Variants in ASXL1 observed in about 807,000 individuals in gnomAD.
The protein encoded by ASXL1 is ASXL transcriptional regulator 1.
ASXL1 carries 65 observed loss-of-function variants against 89.1 expected under a neutral mutation model. That is an observed-to-expected ratio of 0.73 (90% CI 0.60 to 0.90). The LOEUF is 0.90. Among genes scored for constraint, ASXL1 ranks in the 40% least tolerant of loss-of-function variants. ASXL1 has a pLI of 0.00. For synonymous variants in ASXL1, 739 were observed against 746.9 expected, an observed-to-expected ratio of 0.99 and a Z score of 0.17; for missense variants, 1,786 against 1,942.9, an observed-to-expected ratio of 0.92 and a Z score of 1.52.
In ASXL1 at chr20:32,436,738, A is replaced by G. The variant is rs1278675351; in HGVS notation, c.4026A>G (p.Thr1342=). ...CCAGTGGGAAGTTGGGACCAAGCAC[A>G]AACTCCATGTCTGGTGGGGTACAGA... ...VFPSGKLGPS[T]NSMSGGVQTP... is the part of the protein sequence containing the mutation. Residue 1342 remains threonine, a synonymous_variant, in exon 13 of 13, where the codon ACA becomes ACG. Coordinates refer to ENST00000375687, the MANE Select transcript of ASXL1 (RefSeq NM_015338.6). 6.2e-7 allele frequency: 1 copy of G among 1,614,102 alleles called. No individual in the cohort carries two copies. The highest frequency in any genetic ancestry group is 2.2e-5 in the East Asian group (1 of 44,888).
In ASXL1 at chr20:32,436,763, A is replaced by G. The variant is rs957498028; in HGVS notation, c.4051A>G (p.Thr1351Ala). 8.7e-6 allele frequency: 14 copies of G among 1,613,888 alleles called. No homozygotes were observed. The East Asian group carries it at 1.3e-4, about 15-fold the overall frequency. Residue 1351 changes from threonine (T) to alanine (A), a missense_variant, in exon 13 of 13, where the codon ACT becomes GCT. Physicochemically the swap from Thr to Ala is moderately conservative, Grantham distance 58. This residue lies in a region of ASXL1 where 1,418 missense variants were observed against 1,427.8 expected (regional missense o/e 0.99). Coordinates refer to ENST00000375687, the MANE Select transcript of ASXL1 (RefSeq NM_015338.6). ...STNSMSGGVQTPREDWAPKPH... is the reference protein window; with the variant it reads ...STNSMSGGVQAPREDWAPKPH... ...AAACTCCATGTCTGGTGGGGTACAG[A>G]CTCCAAGGGAAGACTGGGCTCCAAA... is the stretch of plus-strand genomic sequence containing the variant.
At position 32,361,031 on chromosome 20, in the gene ASXL1, G is replaced by A. The variant is rs1390483276; in HGVS notation, c.57+2199G>A. 3.9e-5 allele frequency among the ~76,000 whole-genome samples: 6 copies of A among 152,182 alleles called. No homozygotes were observed. In the East Asian group the frequency reaches 1.2e-3, roughly 30 times the overall value. The stretch of plus-strand genomic sequence containing the variant: ...CAAAGTGCTGGGATTACAGGCGTGA[G>A]CCACCGCGCCCAGCCTATGAGTAGG... On this transcript the variant is annotated intron_variant, in intron 1 of 12. Coordinates refer to ENST00000375687, the MANE Select transcript of ASXL1 (RefSeq NM_015338.6).
At position 32,429,294 on chromosome 20, in the gene ASXL1, C is replaced by T. The variant is rs1166823647; in HGVS notation, c.472-44C>T. On this transcript the variant is annotated intron_variant, in intron 6 of 12. Coordinates refer to ENST00000375687, the MANE Select transcript of ASXL1 (RefSeq NM_015338.6). The surrounding 1 kb of genome is among the most constrained non-coding windows in gnomAD (Gnocchi z 4.9). ...GTCGCCAGGGAATGCTTTTGTGGCT[C>T]TGCAGTTGACTTGGGCTCTCTTTTG... The T allele has an allele frequency of 6.3e-7, 1 of 1,585,980 alleles. No individual in the cohort carries two copies. The highest frequency in any genetic ancestry group is 1.3e-5 in the African/African-American group (1 of 74,280).
chr20:32,431,518 T>C (rs2011512378), intron 9 of ASXL1, 34 bp downstream of exon 9: 1 of 1,614,130 alleles, frequency 6.2e-7, no homozygotes. Flanking sequence ...TGCCTCTCTC[T>C]GGGTGGGCTT....
At chr20:32,383,769 C>T (rs1819409225) in intron 4 of ASXL1, among the ~76,000 whole-genome samples, 1 of 152,164 alleles carries the variant, frequency 6.6e-6, no homozygotes, top group Admixed American at 6.5e-5. Flanking sequence ...TGTTTAAAAA[C>T]TGTGGGTGTA....
At chr20:32,379,661 AC>A in intron 4 of ASXL1, among the ~76,000 whole-genome samples, 1 of 151,208 alleles carries the variant, frequency 6.6e-6, no homozygotes, top group Middle Eastern at 3.4e-3. Flanking sequence ...CCCCGTCTGT[AC>A]TAAAAATATG....
At chr20:32,432,744 T>C (rs2011558782) in intron 10 of ASXL1, 136 bp from the exon 11 acceptor site, 3 of 1,093,512 alleles carry the variant, frequency 2.7e-6, no homozygotes, top group Non-Finnish European at 4.0e-6. Context: ...ATGTGTTAGC[T>C]CTGTCCCTAT....
At chr20:32,423,959 T>G (rs1160346253) in intron 4 of ASXL1, among the ~76,000 whole-genome samples, 1 of 152,202 alleles carries the variant, frequency 6.6e-6, no homozygotes, top group African/African-American at 2.4e-5. Context: ...TTTGTTTTCC[T>G]TGTCTTTTTA....
rs773826381 is a variant in ASXL1, at chr20:32,437,056, A to G, written c.4344A>G (p.Gln1448=). 45 of 1,613,976 alleles carry G rather than the reference A, an allele frequency of 2.8e-5. No individual in the cohort carries two copies. The highest frequency in any genetic ancestry group is 3.4e-5 in the Non-Finnish European group (40 of 1,180,026). The change falls in exon 13 of 13, where the codon CAA becomes CAG. Residue 1448 remains glutamine, a synonymous_variant. Coordinates refer to ENST00000375687, the MANE Select transcript of ASXL1 (RefSeq NM_015338.6). ...QAFYGKLSKL[Q]LSSTSFNYSS... ...TTTATGGGAAGCTTTCTAAACTCCA[A>G]CTGAGTTCCACCAGCTTTAATTATT...
At chr20:32,376,853 ATAAT>A (rs2048388566) in intron 4 of ASXL1, among the ~76,000 whole-genome samples, 1 of 143,738 alleles carries the variant, frequency 7.0e-6, no homozygotes, top group Non-Finnish European at 1.5e-5. Flanking sequence ...TGATAGATAT[ATAAT>A]ATATAATTAT....
rs564721149 is a variant in ASXL1, at chr20:32,436,389, T to G, written c.3677T>G (p.Leu1226Arg). 1 of 1,613,736 alleles carries G rather than the reference T, an allele frequency of 6.2e-7. No homozygotes were observed. Among genetic ancestry groups the G allele is most frequent in the African/African-American group, 1.3e-5 (1 of 75,064 alleles). ...VTNPITSSRK[L>R]EEMDSKEQFS... is the part of the protein sequence containing the mutation. ...AATCCCATTACATCCTCTAGGAAAC[T>G]GGAAGAAATGGATTCCAAAGAGCAG... Residue 1226 changes from leucine to arginine, a missense_variant, in exon 13 of 13, where the codon CTG becomes CGG. Leu to Arg is a moderately radical substitution (Grantham distance 102). Transcript: ENST00000375687.
Position 32,398,862 on chromosome 20 carries a change from G to A in ASXL1, c.253-29266G>A, listed in dbSNP as rs570235668. Among the ~76,000 whole-genome samples, 6 of 151,684 alleles carry A rather than the reference G, an allele frequency of 4.0e-5. No individual in the cohort carries two copies. In the East Asian group the frequency reaches 1.2e-3, roughly 30 times the overall value. On this transcript the variant is annotated intron_variant, in intron 4 of 12. Coordinates refer to ENST00000375687, the MANE Select transcript of ASXL1 (RefSeq NM_015338.6). ...CTGACCTCGTGATCCGCCCGCCTCG[G>A]CCTCCCAAAGTGCTGGGATTACAGG...
intron 4 of ASXL1, among the ~76,000 whole-genome samples, chr20:32,393,093 G>T (rs1012738298): frequency 6.6e-6 from 1 of 152,132 alleles, no homozygotes; most frequent in African/African-American, 2.4e-5. Context: ...GATTGATAAT[G>T]TTTAAGTCTT....
intron 8 of ASXL1, chr20:32,430,926 C>T (rs1258298191): frequency 6.8e-6 from 3 of 440,558 alleles, no homozygotes; most frequent in South Asian, 4.2e-5. Flanking sequence ...AAGGCTTCTG[C>T]AGATTTTTCT....
rs2123256162 is a variant in ASXL1, at chr20:32,433,426, A to T, written c.1228A>T (p.Lys410Ter). 5 of 1,614,186 alleles carry T rather than the reference A, an allele frequency of 3.1e-6. No individual in the cohort carries two copies. The highest frequency in any genetic ancestry group is 4.2e-6 in the Non-Finnish European group (5 of 1,180,016). The change falls in exon 12 of 13, where the codon AAA becomes TAA. Residue 410 changes from lysine (K) to a stop codon, truncating the protein, a stop_gained. Coordinates refer to ENST00000375687, the MANE Select transcript of ASXL1 (RefSeq NM_015338.6). LOFTEE classifies it high-confidence loss of function. ...ATRQRDGHFK[K>*]RSRPDLRTRA... ...CCGACAGCGAGATGGGCATTTTAAGAAACGCTCTCGGCCAGATCTCCGAAC... is the reference window on the plus strand; with the variant it reads ...CCGACAGCGAGATGGGCATTTTAAGTAACGCTCTCGGCCAGATCTCCGAAC...
chr20:32,435,248 A>C lies in ASXL1; in HGVS notation c.2536A>C (p.Ser846Arg), dbSNP rs1233368049. ...GAAGGATCCTGTAAATGTGACCCCC[A>C]GTTCCACACCTGAATCCTCACCGAC... Reference protein sequence around the residue: ...TMKDPVNVTPSSTPESSPTDC... With the variant: ...TMKDPVNVTPRSTPESSPTDC... The change falls in exon 13 of 13, where the codon AGT becomes CGT. Residue 846 changes from serine (S) to arginine (R), a missense_variant. Ser to Arg is a moderately radical substitution (Grantham distance 110). Coordinates refer to ENST00000375687, the MANE Select transcript of ASXL1 (RefSeq NM_015338.6). 2.5e-6 allele frequency: 4 copies of C among 1,614,134 alleles called. No individual in the cohort carries two copies. Among genetic ancestry groups the C allele is most frequent in the Non-Finnish European group, 3.4e-6 (4 of 1,180,030 alleles).
chr20:32,399,002 C>T (rs1404275694), intron 4 of ASXL1, among the ~76,000 whole-genome samples: 1 of 151,780 alleles, frequency 6.6e-6, no homozygotes, highest in African/African-American at 2.4e-5. Flanking sequence ...CTTTGGGAGG[C>T]CGAGTTGGCC....
At chr20:32,407,513 A>G (rs968907206) in intron 4 of ASXL1, among the ~76,000 whole-genome samples, 10 of 152,050 alleles carry the variant, frequency 6.6e-5, no homozygotes, top group Non-Finnish European at 2.9e-5. Flanking sequence ...CCCACGCTAG[A>G]GTGCGGTAGC....
chr20:32,389,528 T>TC (rs1238965087), intron 4 of ASXL1, among the ~76,000 whole-genome samples: 1 of 152,126 alleles, frequency 6.6e-6, no homozygotes, highest in Non-Finnish European at 1.5e-5. Flanking sequence ...TTGTTTTTTT[T>TC]CCCTCTCAGT....
Sources: allele counts gnomAD v4.1 joint callset (sites outside exome capture counted in the v4.1 genomes callset), GRCh38; gene constraint gnomAD v4.1.1; regional missense constraint gnomAD v4.1.1; non-coding constraint Gnocchi (gnomAD v3.1); transcripts MANE v1.5; gene names NCBI Gene and HGNC (gene_info 2026-07-23, HGNC 2026-07-21).